Variants in TSHZ3 observed in about 807,000 individuals in gnomAD.
TSHZ3 encodes teashirt zinc finger homeobox 3.
In TSHZ3, 10 loss-of-function variants were observed where a neutral mutation model predicts 64.5. The ratio of observed to expected loss-of-function variants is 0.16; its 90% CI spans 0.10 to 0.26. The LOEUF (loss-of-function observed/expected upper bound fraction) is 0.26. Ranked by LOEUF, TSHZ3 falls within the 10% of genes least tolerant of loss-of-function variation. The pLI, the probability that TSHZ3 is intolerant of heterozygous loss-of-function variation, is 1.00. For missense variants in TSHZ3, 1,242 were observed against 1,421.7 expected, an observed-to-expected ratio of 0.87 and a Z score of 2.03; for synonymous variants, 608 against 593.1, an observed-to-expected ratio of 1.03 and a Z score of -0.36.
At chr19:31,183,219 TC>T (rs56841575) in intron 5 of TSHZ3, among the ~76,000 whole-genome samples, 152 of 93,778 alleles carry the variant, frequency 1.6e-3, no homozygotes, top group African/African-American at 8.1e-3. Context: ...TCTCTCTCTC[TC>T]TCTCTCTTTC....
intron 1 of TSHZ3, among the ~76,000 whole-genome samples, chr19:31,304,783 A>G (rs1220442501): frequency 6.6e-6 from 1 of 152,226 alleles, no homozygotes; most frequent in Non-Finnish European, 1.5e-5. Flanking sequence ...CATACCAGTT[A>G]ATTATGATGG....
At chr19:31,286,922 C>T (rs1387794151) in intron 1 of TSHZ3, among the ~76,000 whole-genome samples, 1 of 152,146 alleles carries the variant, frequency 6.6e-6, no homozygotes, top group East Asian at 1.9e-4. Context: ...GACACCAATT[C>T]GTTAATATTT....
At chr19:31,153,353 CTA>C (rs1974265047) in intron 6 of TSHZ3, among the ~76,000 whole-genome samples, 1 of 152,132 alleles carries the variant, frequency 6.6e-6, no homozygotes. Context: ...AAGAGAAAGA[CTA>C]TGTGTAAAAT....
intron 1 of TSHZ3, among the ~76,000 whole-genome samples, chr19:31,291,204 T>A (rs2145129869): frequency 6.6e-6 from 1 of 152,268 alleles, no homozygotes; most frequent in Admixed American, 6.5e-5. Flanking sequence ...TTCAGAAGAC[T>A]CAGAGCCCAG....
chr19:31,320,666 C>G (rs953487683), intron 1 of TSHZ3, among the ~76,000 whole-genome samples: 1 of 152,142 alleles, frequency 6.6e-6, no homozygotes, highest in Non-Finnish European at 1.5e-5. Context: ...AGTTAAGACA[C>G]GGTCAGGTGC....
intron 4 of TSHZ3, among the ~76,000 whole-genome samples, chr19:31,206,076 AATGGATGGATGGATGGATGGATGGATGG>A (rs58291208): frequency 6.9e-6 from 1 of 145,444 alleles, no homozygotes; most frequent in Non-Finnish European, 1.5e-5. Context: ...GGATGGGTGA[AATGGATGGATGGATGGATGGATGGATGG>A]ATGGATGGAT....
intron 1 of TSHZ3, among the ~76,000 whole-genome samples, chr19:31,345,215 G>A (rs931010341): frequency 6.6e-6 from 1 of 152,156 alleles, no homozygotes; most frequent in Non-Finnish European, 1.5e-5. Flanking sequence ...ATCATAGAAC[G>A]GTCAAAACCA....
At chr19:31,295,446 C>T (rs940010002) in intron 1 of TSHZ3, among the ~76,000 whole-genome samples, 1 of 152,250 alleles carries the variant, frequency 6.6e-6, no homozygotes. Context: ...ACACAGTGTC[C>T]TGTCCACATG....
intron 4 of TSHZ3, among the ~76,000 whole-genome samples, chr19:31,217,720 C>G (rs1975352007): frequency 1.3e-5 from 2 of 152,150 alleles, no homozygotes; most frequent in South Asian, 4.1e-4. Context: ...GAGTTTAGAT[C>G]AATGCATAAT....
At position 31,278,911 on chromosome 19, in the gene TSHZ3, C is replaced by T; in HGVS notation, c.882G>A (p.Met294Ile). The change falls in exon 2 of 2, where the codon ATG becomes ATA. Residue 294 changes from methionine (M) to isoleucine (I), a missense_variant. Coordinates refer to ENST00000240587, the MANE Select transcript of TSHZ3 (RefSeq NM_020856.4). The surrounding 1 kb of genome is among the most constrained non-coding windows in gnomAD (Gnocchi z 4.7). ...FESLQDLSVH[M>I]IKTKHYQKVP... ...CTTTTTGGTAGTGTTTTGTTTTGAT[C>T]ATATGGACACTCAAATCCTGCAGGG... is the stretch of plus-strand genomic sequence containing the variant. 6.2e-7 allele frequency: 1 copy of T among 1,614,082 alleles called. No individual in the cohort carries two copies. Among genetic ancestry groups the T allele is most frequent in the Non-Finnish European group, 8.5e-7 (1 of 1,180,024 alleles).
intron 4 of TSHZ3, chr19:31,207,639 C>T (rs568943055): frequency 6.6e-6 from 1 of 152,240 alleles, no homozygotes; most frequent in African/African-American, 2.4e-5. Flanking sequence ...TGTAATAAAA[C>T]CACAAATTGA....
intron 1 of TSHZ3, among the ~76,000 whole-genome samples, chr19:31,297,255 C>A (rs1332709360): frequency 6.6e-6 from 1 of 152,184 alleles, no homozygotes; most frequent in Non-Finnish European, 1.5e-5. Flanking sequence ...ATCACGTCGC[C>A]AGCATTCCCA....
At chr19:31,282,208 C>T (rs1976374079) in intron 1 of TSHZ3, among the ~76,000 whole-genome samples, 1 of 152,104 alleles carries the variant, frequency 6.6e-6, no homozygotes, top group African/African-American at 2.4e-5. Flanking sequence ...GCTGGTGTCC[C>T]TCCCACTGAG....
chr19:31,325,798 G>A (rs1043334641), intron 1 of TSHZ3, among the ~76,000 whole-genome samples: 2 of 152,082 alleles, frequency 1.3e-5, no homozygotes, highest in African/African-American at 4.8e-5. Flanking sequence ...CCATGCAGAG[G>A]GTAACTCATT....
chr19:31,291,717 TG>T (rs1976568337), intron 1 of TSHZ3, among the ~76,000 whole-genome samples: 1 of 152,244 alleles, frequency 6.6e-6, no homozygotes, highest in Non-Finnish European at 1.5e-5. Context: ...ACATTTAAAC[TG>T]ACTGGGCATC....
intron 1 of TSHZ3, among the ~76,000 whole-genome samples, chr19:31,321,379 C>T (rs766826681): frequency 1.3e-5 from 2 of 152,238 alleles, no homozygotes; most frequent in Admixed American, 1.3e-4. Context: ...AGGACATGCC[C>T]GGTGGCGTCA....
At chr19:31,294,345 C>T (rs939803462) in intron 1 of TSHZ3, among the ~76,000 whole-genome samples, 1 of 152,098 alleles carries the variant, frequency 6.6e-6, no homozygotes, top group Admixed American at 6.5e-5. Flanking sequence ...CAGCACTGAC[C>T]CAACACTCAC....
At chr19:31,177,581 A>C (rs143161923) in intron 5 of TSHZ3, among the ~76,000 whole-genome samples, 1,624 of 152,304 alleles carry the variant, frequency 0.011, 13 homozygotes, top group Non-Finnish European at 0.018. Flanking sequence ...ATGTGCTTGC[A>C]TTTAGGGTAA....
At chr19:31,299,300 G>A (rs1356451886) in intron 1 of TSHZ3, among the ~76,000 whole-genome samples, 2 of 152,170 alleles carry the variant, frequency 1.3e-5, no homozygotes, top group Non-Finnish European at 2.9e-5. Flanking sequence ...TGGTGAGTCT[G>A]TTCATCTCTC....
Sources: allele counts gnomAD v4.1 joint callset (sites outside exome capture counted in the v4.1 genomes callset), GRCh38; gene constraint gnomAD v4.1.1; non-coding constraint Gnocchi (gnomAD v3.1); transcripts MANE v1.5; gene names NCBI Gene and HGNC (gene_info 2026-07-23, HGNC 2026-07-21).